Variants in ARHGAP45 observed in about 807,000 individuals in gnomAD.
ARHGAP45 encodes rho GTPase-activating protein 45.
Under a neutral mutation model 116.1 loss-of-function variants are expected in ARHGAP45, and 56 were observed. That is an observed-to-expected ratio of 0.48 (90% CI 0.39 to 0.60). The LOEUF is 0.60. Ranked by LOEUF, ARHGAP45 falls within the 20% of genes least tolerant of loss-of-function variation. The probability of loss-of-function intolerance (pLI) is 0.00; values close to 1 mark genes in which losing one functional copy is unlikely to be tolerated. For synonymous variants in ARHGAP45, 866 were observed against 701.7 expected (o/e 1.23, Z -3.70); for missense variants, 1,622 against 1,601.0 (o/e 1.01, Z -0.22).
chr19:1,071,221 C>G lies in ARHGAP45; in HGVS notation c.422-1928C>G, dbSNP rs1275679255. 2 of 1,441,756 alleles carry G rather than the reference C, an allele frequency of 1.4e-6. No homozygotes were observed. Among genetic ancestry groups the G allele is most frequent in the African/African-American group, 3.0e-5 (2 of 66,086 alleles). The allele number at this position is 1,441,756 out of a possible 1,614,324, so 89.3% of individuals were successfully genotyped here. On this transcript the variant is annotated intron_variant, in intron 2 of 22. Transcript: ENST00000313093. The surrounding 1 kb of genome is among the most constrained non-coding windows in gnomAD (Gnocchi z 4.6). ...GACCGGCCGGAGCCGGTTTGGCCACCGGAGACCCCCATCGGTCAGCTGCCA... is the reference window on the plus strand; with the variant it reads ...GACCGGCCGGAGCCGGTTTGGCCACGGGAGACCCCCATCGGTCAGCTGCCA...
At position 1,068,599 on chromosome 19, in the gene ARHGAP45, G is replaced by A; in HGVS notation, c.276G>A (p.Arg92=). ...CCTGGACACTGGGCCGGAGCCACCG[G>A]AGCCCACTGACAGCCGCCAGCCCGG... ...AASWTLGRSH[R]SPLTAASPGE... The change falls in exon 2 of 23, where the codon CGG becomes CGA. Residue 92 remains arginine, a synonymous_variant. Coordinates refer to ENST00000313093, the MANE Select transcript of ARHGAP45 (RefSeq NM_012292.5). This position sits in a 1 kb window ranked among gnomAD's most constrained non-coding sequence, Gnocchi z 7.5. 2 of 1,611,136 alleles carry A rather than the reference G, an allele frequency of 1.2e-6. No individual in the cohort carries two copies. Among genetic ancestry groups the A allele is most frequent in the Non-Finnish European group, 1.7e-6 (2 of 1,179,054 alleles).
rs71174343 is a variant in ARHGAP45, at chr19:1,076,483, C to CTTTTTTT, written c.1186-1350_1186-1344dup. Among the ~76,000 whole-genome samples, 8 of 64,980 alleles carry CTTTTTTT rather than the reference C, an allele frequency of 1.2e-4. 2 individuals carry two copies. The highest frequency in any genetic ancestry group is 5.8e-4 in the East Asian group (1 of 1,728). 42.6% of individuals were successfully genotyped at this position (64,980 alleles called of 152,430 possible). A position where few individuals can be genotyped will look rare whatever the true frequency, so the allele number is the denominator to read the frequency against. ...GAAACCTGTGATTGTTGGCAGTAGTCTTTTTTTTTTTTTTTTTTTTTTTTT... is the reference window on the plus strand; with the variant it reads ...GAAACCTGTGATTGTTGGCAGTAGTCTTTTTTTTTTTTTTTTTTTTTTTTTTTTTTTT... On this transcript the variant is annotated intron_variant, in intron 10 of 22. Transcript: ENST00000313093.
chr19:1,066,163 G>A (rs1568445513), upstream of ARHGAP45: 1 of 1,535,250 alleles, frequency 6.5e-7, no homozygotes. Flanking sequence ...TCCCACCCGA[G>A]GTAGGTGGGA....
In ARHGAP45 at chr19:1,068,324, C is replaced by T; in HGVS notation, c.91-90C>T. ...CCTGTGGGGTCAGGGTGATGGTGGC[C>T]CTCCACAGCCCCACTTCATTTCTGG... is the stretch of plus-strand genomic sequence containing the variant. On this transcript the variant is annotated intron_variant, in intron 1 of 22. Coordinates refer to ENST00000313093, the MANE Select transcript of ARHGAP45 (RefSeq NM_012292.5). The surrounding 1 kb of genome is among the most constrained non-coding windows in gnomAD (Gnocchi z 7.5). 3 of 1,192,408 alleles carry T rather than the reference C, an allele frequency of 2.5e-6. No individual in the cohort carries two copies. The highest frequency in any genetic ancestry group is 3.4e-6 in the Non-Finnish European group (3 of 871,138). 73.9% of individuals were successfully genotyped at this position (1,192,408 alleles called of 1,614,324 possible).
rs1041780966 is a variant in ARHGAP45 at position 1,080,914 on chromosome 19, C to T, written c.2040C>T (p.Pro680=). 32 of 1,608,536 alleles carry T rather than the reference C, an allele frequency of 2.0e-5. No individual in the cohort carries two copies. Among genetic ancestry groups the T allele is most frequent in the African/African-American group, 5.3e-5 (4 of 74,840 alleles). Residue 680 remains proline, a synonymous_variant, in exon 17 of 23, where the codon CCC becomes CCT. Coordinates refer to ENST00000313093, the MANE Select transcript of ARHGAP45 (RefSeq NM_012292.5). ...FEQADLNGMT[P]ELPVAVPSGP... is the part of the protein sequence containing the mutation. ...CAGCTGACCTCAACGGCATGACCCC[C>T]GAGCTGCCGGTGGCCGTGCCCAGTG... is the stretch of plus-strand genomic sequence containing the variant.
At position 1,077,937 on chromosome 19, in the gene ARHGAP45, C is replaced by G. The variant is rs35964792; in HGVS notation, c.1266C>G (p.Leu422=). Residue 422 remains leucine, a synonymous_variant, in exon 11 of 23, where the codon CTC becomes CTG. Coordinates refer to ENST00000313093, the MANE Select transcript of ARHGAP45 (RefSeq NM_012292.5). The part of the protein sequence containing the change: ...RCEDHDKARF[L]VAKAEEEQAG... ...AGGACCACGACAAGGCTCGCTTCCT[C>G]GTGGCCAAGGCGGAGGAGGAGCAGG... 21 of 1,553,576 alleles carry G rather than the reference C, an allele frequency of 1.4e-5. No individual in the cohort carries two copies. The highest frequency in any genetic ancestry group is 1.7e-5 in the Non-Finnish European group (20 of 1,148,064).
intron 17 of ARHGAP45, 146 bp from the exon 18 acceptor site, chr19:1,081,404 G>A (rs2043429245): frequency 3.4e-6 from 3 of 874,032 alleles, no homozygotes; most frequent in African/African-American, 1.7e-5. Flanking sequence ...CCCTGGGGTG[G>A]AAGCCACGAG....
Sources: allele counts gnomAD v4.1 joint callset (sites outside exome capture counted in the v4.1 genomes callset), GRCh38; gene constraint gnomAD v4.1.1; non-coding constraint Gnocchi (gnomAD v3.1); transcripts MANE v1.5; gene names NCBI Gene and HGNC (gene_info 2026-07-23, HGNC 2026-07-21).